The following TBX21 variants were observed in gnomAD, a reference collection of about 807,000 sequenced individuals.
TBX21 encodes the protein T-box transcription factor TBX21.
TBX21 carries 11 observed loss-of-function variants against 52.2 expected under a neutral mutation model. The ratio of observed to expected loss-of-function variants is 0.21; its 90% CI spans 0.13 to 0.35. The LOEUF (loss-of-function observed/expected upper bound fraction) is 0.35, where lower values mean the gene tolerates loss of function less well. Among genes scored for constraint, TBX21 ranks in the 10% least tolerant of loss-of-function variants. The pLI, the probability that TBX21 is intolerant of heterozygous loss-of-function variation, is 1.00. For synonymous variants in TBX21, 300 were observed against 316.1 expected, an observed-to-expected ratio of 0.95 and a Z score of 0.54; for missense variants, 625 against 755.1, an observed-to-expected ratio of 0.83 and a Z score of 2.02.
intron 1 of TBX21, among the ~76,000 whole-genome samples, chr17:47,736,553 C>A (rs1195904723): frequency 6.6e-6 from 1 of 152,084 alleles, no homozygotes; most frequent in African/African-American, 2.4e-5. Context: ...TTGAAGGAGG[C>A]AGTGGCTCTT....
intron 1 of TBX21, among the ~76,000 whole-genome samples, chr17:47,738,093 T>G (rs1597983247): frequency 2.0e-5 from 3 of 152,038 alleles, no homozygotes; most frequent in African/African-American, 7.3e-5. Flanking sequence ...TAAAAACATT[T>G]TTTTTAGGCT....
At chr17:47,744,106 G>C (rs988256115) in intron 3 of TBX21, 89 bp from the exon 4 acceptor site, 1 of 1,530,734 alleles carries the variant, frequency 6.5e-7, no homozygotes, top group Non-Finnish European at 8.9e-7. Flanking sequence ...GTGCTTGCTA[G>C]CCTCACGTGG....
intron 1 of TBX21, among the ~76,000 whole-genome samples, chr17:47,740,444 G>A (rs2032255747): frequency 6.6e-6 from 1 of 152,042 alleles, no homozygotes; most frequent in Non-Finnish European, 1.5e-5. Context: ...TGAAGAAACT[G>A]AGATTTGGGC....
rs761076684 is a variant in TBX21 at position 47,742,751 on chromosome 17, G to C, written c.633G>C (p.Glu211Asp). Residue 211 changes from glutamate to aspartate, a missense_variant, in exon 2 of 6, where the codon GAG becomes GAC. Glu to Asp is a conservative substitution (Grantham distance 45). This residue lies in a region of TBX21 where 142 missense variants were observed against 258.5 expected (regional missense o/e 0.55). Transcript: ENST00000177694. The surrounding 1 kb of genome is among the most constrained non-coding windows in gnomAD (Gnocchi z 4.4). ...AGTGGGTGCAGTGTGGAAAGGCCGA[G>C]GGCAGCATGCCAGGTGCGCGCGCCC... is the stretch of plus-strand genomic sequence containing the variant. ...SGKWVQCGKA[E>D]GSMPGNRLYV... The C allele has an allele frequency of 4.4e-6, 7 of 1,573,588 alleles. No individual in the cohort carries two copies. In the South Asian group the frequency reaches 8.1e-5, roughly 18 times the overall value.
Position 47,744,214 on chromosome 17 carries a change from T to A in TBX21, c.788T>A (p.Leu263His), listed in dbSNP as rs569147274. 1.9e-6 allele frequency: 3 copies of A among 1,614,168 alleles called. No homozygotes were observed. Among genetic ancestry groups the A allele is most frequent in the Non-Finnish European group, 2.5e-6 (3 of 1,180,034 alleles). ...NVTQMIVLQSLHKYQPRLHIV... is the reference protein window; with the variant it reads ...NVTQMIVLQSHHKYQPRLHIV... ...CTACAGATGATTGTGCTCCAGTCCC[T>A]CCATAAGTACCAGCCCCGGCTGCAT... Residue 263 changes from leucine (L) to histidine (H), a missense_variant, in exon 4 of 6, where the codon CTC becomes CAC. By Grantham distance (99) the Leu-to-His change is moderately conservative (BLOSUM62 -3). Transcript: ENST00000177694.
chr17:47,740,423 C>T (rs1166051579), intron 1 of TBX21, among the ~76,000 whole-genome samples: 1 of 151,894 alleles, frequency 6.6e-6, no homozygotes, highest in African/African-American at 2.4e-5. Context: ...GTTAGACTCT[C>T]CATTTACATG....
chr17:47,735,497 T>C (rs1028154991), intron 1 of TBX21, among the ~76,000 whole-genome samples: 4 of 152,196 alleles, frequency 2.6e-5, no homozygotes, highest in African/African-American at 9.6e-5. Flanking sequence ...GAAGATCCTG[T>C]CCCTCTCACT....
At chr17:47,740,470 A>G (rs2032256157) in intron 1 of TBX21, among the ~76,000 whole-genome samples, 1 of 152,106 alleles carries the variant, frequency 6.6e-6, no homozygotes, top group African/African-American at 2.4e-5. Context: ...GCAGTGGCCC[A>G]TGTCTATAAT....
chr17:47,740,252 A>G (rs12945996), intron 1 of TBX21, among the ~76,000 whole-genome samples: 151,926 of 151,926 alleles, frequency 1, 75,963 homozygotes, highest in Non-Finnish European at 1. Flanking sequence ...ATTTTTAGTA[A>G]ATATGGGGTT....
At chr17:47,736,338 A>G (rs1382497772) in intron 1 of TBX21, among the ~76,000 whole-genome samples, 3 of 152,154 alleles carry the variant, frequency 2.0e-5, no homozygotes, top group Non-Finnish European at 4.4e-5. Flanking sequence ...TATAGTAATT[A>G]CTAAGTACAT....
chr17:47,734,787 C>A (rs149506279), intron 1 of TBX21, among the ~76,000 whole-genome samples: 2 of 151,884 alleles, frequency 1.3e-5, no homozygotes, highest in Non-Finnish European at 2.9e-5. Flanking sequence ...ACCTTCCCCA[C>A]ACTCCTGTCC....
chr17:47,734,361 C>T (rs2032178253), intron 1 of TBX21, among the ~76,000 whole-genome samples: 1 of 152,018 alleles, frequency 6.6e-6, no homozygotes, highest in Non-Finnish European at 1.5e-5. Context: ...AAGGGAGCCC[C>T]TTATCTCCGG....
At chr17:47,734,015 C>T (rs981769419) in intron 1 of TBX21, 70 bp downstream of exon 1, 12 of 1,606,920 alleles carry the variant, frequency 7.5e-6, no homozygotes, top group Middle Eastern at 3.3e-4. Context: ...GTCTGTTTTT[C>T]TGGCTCGACA....
intron 1 of TBX21, among the ~76,000 whole-genome samples, chr17:47,741,695 A>G (rs555036408): frequency 2.0e-5 from 3 of 152,076 alleles, no homozygotes; most frequent in African/African-American, 7.2e-5. Context: ...CACGGCAGAG[A>G]GGGTGGCTGA....
chr17:47,739,424 G>A (rs1356427366), intron 1 of TBX21, among the ~76,000 whole-genome samples: 1 of 150,630 alleles, frequency 6.6e-6, no homozygotes, highest in Non-Finnish European at 1.5e-5. Context: ...CCAGGCATTT[G>A]AGCAGAGCCT....
chr17:47,745,011 C>T lies in TBX21; in HGVS notation c.1253C>T (p.Ser418Phe). 2 of 1,612,844 alleles carry T rather than the reference C, an allele frequency of 1.2e-6. No homozygotes were observed. Among genetic ancestry groups the T allele is most frequent in the Non-Finnish European group, 1.7e-6 (2 of 1,180,028 alleles). The change falls in exon 6 of 6, where the codon TCC (serine) becomes TTC (phenylalanine). Residue 418 changes from serine (S) to phenylalanine (F), a missense_variant. Coordinates refer to ENST00000177694, the MANE Select transcript of TBX21 (RefSeq NM_013351.2). ...FLPSAPGPTM[S>F]YYRGQEVLAP... ...CCCTCTGCCCCTGGGCCCACCATGT[C>T]CTACTACCGAGGCCAGGAGGTCCTG... is the stretch of plus-strand genomic sequence containing the variant.
Position 47,733,731 on chromosome 17 carries a change from T to C in TBX21, c.277T>C (p.Phe93Leu). ...AAGFPGAGES[F>L]PPPADAEGYQ... The stretch of plus-strand genomic sequence containing the variant: ...CGGCTTCCCCGGCGCGGGCGAGTCC[T>C]TCCCGCCGCCCGCGGACGCCGAGGG... Residue 93 changes from phenylalanine (F) to leucine (L), a missense_variant, in exon 1 of 6, where the codon TTC becomes CTC. Physicochemically the swap from Phe to Leu is conservative, Grantham distance 22. Coordinates refer to ENST00000177694, the MANE Select transcript of TBX21 (RefSeq NM_013351.2). This position sits in a 1 kb window ranked among gnomAD's most constrained non-coding sequence, Gnocchi z 6.6. The C allele has an allele frequency of 6.9e-7, 1 of 1,440,032 alleles. No individual in the cohort carries two copies. Among genetic ancestry groups the C allele is most frequent in the Non-Finnish European group, 9.1e-7 (1 of 1,100,566 alleles). 89.2% of individuals were successfully genotyped at this position (1,440,032 alleles called of 1,614,324 possible). A position where few individuals can be genotyped will look rare whatever the true frequency, so the allele number is the denominator to read the frequency against.
At chr17:47,741,361 G>T (rs2032265252) in intron 1 of TBX21, among the ~76,000 whole-genome samples, 1 of 152,118 alleles carries the variant, frequency 6.6e-6, no homozygotes, top group Non-Finnish European at 1.5e-5. Flanking sequence ...CGGGGCTAGT[G>T]AAGGTGTTAG....
chr17:47,743,033 C>T, intron 2 of TBX21, 38 bp from the exon 3 acceptor site: 2 of 1,611,718 alleles, frequency 1.2e-6, no homozygotes, highest in Non-Finnish European at 1.7e-6. Context: ...AGGGTTCTGT[C>T]CCGGGGGCTG....
Sources: gnomAD v4.1 joint callset for allele counts (sites outside exome capture counted in the v4.1 genomes callset) on GRCh38, gnomAD v4.1.1 for gene constraint, gnomAD v4.1.1 regional missense constraint, Gnocchi (gnomAD v3.1) non-coding constraint, MANE v1.5 for transcripts, NCBI Gene and HGNC (gene_info 2026-07-23, HGNC 2026-07-21) for gene names.